Variants in CNBD2 observed in about 807,000 individuals in gnomAD.
CNBD2 encodes cyclic nucleotide-binding domain-containing protein 2.
In CNBD2, 64 loss-of-function variants were observed where a neutral mutation model predicts 63.7. The ratio of observed to expected loss-of-function variants is 1.00; its 90% CI spans 0.82 to 1.24. CNBD2 has a LOEUF of 1.24. Among genes scored for constraint, CNBD2 ranks in the 50% most tolerant of loss-of-function variants. The probability of loss-of-function intolerance (pLI) is 0.00; values close to 1 mark genes in which losing one functional copy is unlikely to be tolerated. For synonymous variants in CNBD2, 229 were observed against 255.4 expected, an observed-to-expected ratio of 0.90 and a Z score of 0.99; for missense variants, 691 against 713.5, an observed-to-expected ratio of 0.97 and a Z score of 0.36.
At chr20:35,958,198 C>T (rs964603679), downstream of CNBD2, among the ~76,000 whole-genome samples, 2 of 151,978 alleles carry the variant, frequency 1.3e-5, no homozygotes, top group African/African-American at 2.4e-5. Flanking sequence ...TTTGGGAGGC[C>T]GAGGCAGGCG....
chr20:35,989,616 T>C (rs1262780857), intron 7 of CNBD2, among the ~76,000 whole-genome samples: 4 of 152,206 alleles, frequency 2.6e-5, no homozygotes, highest in Admixed American at 2.6e-4. Flanking sequence ...GGCTTGTACC[T>C]GCCTATGAGA....
At chr20:35,996,502 C>CTTT (rs1349894287) in intron 8 of CNBD2, among the ~76,000 whole-genome samples, 6 of 146,506 alleles carry the variant, frequency 4.1e-5, no homozygotes, top group Non-Finnish European at 7.5e-5. Flanking sequence ...TAATAGCTCT[C>CTTT]TTTTTGTTTT....
downstream of CNBD2, among the ~76,000 whole-genome samples, chr20:35,958,154 C>T (rs1432970469): frequency 6.6e-6 from 1 of 152,158 alleles, no homozygotes. Flanking sequence ...TTTCATTGGC[C>T]AAGCATGGTG....
upstream of CNBD2, among the ~76,000 whole-genome samples, chr20:35,968,035 G>A (rs139852825): frequency 6.6e-6 from 1 of 152,106 alleles, no homozygotes; most frequent in Non-Finnish European, 1.5e-5. Flanking sequence ...CAATGAATCC[G>A]GAGTCGATAC....
At chr20:35,982,832 C>T (rs1037654676) in intron 4 of CNBD2, among the ~76,000 whole-genome samples, 1 of 151,972 alleles carries the variant, frequency 6.6e-6, no homozygotes. Context: ...CCCACCTCAG[C>T]CTTACAGGCA....
At chr20:35,954,523 ACCCGGAAGCCGCTTGCGGGCT>A, upstream of CNBD2, 1 of 1,525,006 alleles carries the variant, frequency 6.6e-7, no homozygotes, top group South Asian at 1.2e-5. Flanking sequence ...GCGCGCGAGC[ACCCGGAAGCCGCTTGCGGGCT>A]CCCGGAAGCG....
chr20:36,006,202 G>C (rs1258064766), intron 8 of CNBD2, among the ~76,000 whole-genome samples: 3 of 151,406 alleles, frequency 2.0e-5, no homozygotes, highest in Non-Finnish European at 4.4e-5. Context: ...CTAATTTTTT[G>C]TATCTTTAGT....
intron 8 of CNBD2, among the ~76,000 whole-genome samples, chr20:36,000,685 A>AG (rs2056884453): frequency 6.7e-6 from 1 of 150,028 alleles, no homozygotes; most frequent in Admixed American, 6.6e-5. Flanking sequence ...CAGCCTCACG[A>AG]GTAGCTGGGA....
Position 36,011,199 on chromosome 20 carries a change from A to G in CNBD2, c.1211A>G (p.Lys404Arg), listed in dbSNP as rs1283355456. Residue 404 changes from lysine (K) to arginine (R), a missense_variant, in exon 10 of 12, where the codon AAG becomes AGG. Transcript: ENST00000373973. ...AATATCAAGCCTGGTGAGCTCCCCA[A>G]GGAGGCTGCAGTGGGGGCCTACGTG... ...MINIKPGELP[K>R]EAAVGAYVKV... is the part of the protein sequence containing the mutation. 5 of 1,597,758 alleles carry G rather than the reference A, an allele frequency of 3.1e-6. No homozygotes were observed. The South Asian group carries it at 3.4e-5, about 11-fold the overall frequency.
intron 8 of CNBD2, among the ~76,000 whole-genome samples, chr20:36,006,621 T>C (rs2056988494): frequency 6.6e-6 from 1 of 152,184 alleles, no homozygotes; most frequent in African/African-American, 2.4e-5. Context: ...TTTGCCATGT[T>C]GCCCAGACTG....
exon 1 of CNBD2, chr20:35,955,341 G>C (rs929851741): frequency 2.0e-5 from 3 of 152,102 alleles, no homozygotes; most frequent in Non-Finnish European, 4.4e-5. Context: ...TGCATATATT[G>C]GGTCAAATAA....
intron 11 of CNBD2, among the ~76,000 whole-genome samples, chr20:36,027,277 G>A (rs995864221): frequency 6.6e-6 from 1 of 152,190 alleles, no homozygotes; most frequent in African/African-American, 2.4e-5. Context: ...CAATGGTAGA[G>A]AAAGGGGGTA....
intron 7 of CNBD2, among the ~76,000 whole-genome samples, chr20:35,994,517 G>A (rs1049684771): frequency 2.7e-5 from 4 of 147,374 alleles, no homozygotes; most frequent in African/African-American, 7.5e-5. Flanking sequence ...CTTATATTTA[G>A]TTCTTATGCT....
intron 11 of CNBD2, among the ~76,000 whole-genome samples, chr20:36,024,666 T>C (rs1370625815): frequency 6.8e-6 from 1 of 147,570 alleles, no homozygotes. Flanking sequence ...TGGTGGCTCA[T>C]GCCTGTAATC....
intron 11 of CNBD2, among the ~76,000 whole-genome samples, chr20:36,024,844 A>G (rs976911211): frequency 2.3e-4 from 35 of 152,262 alleles, no homozygotes; most frequent in African/African-American, 8.4e-4. Context: ...CTGAGGCAGG[A>G]GAGTCACTTG....
At chr20:35,988,815 C>T (rs755384010) in intron 7 of CNBD2, among the ~76,000 whole-genome samples, 6 of 152,036 alleles carry the variant, frequency 3.9e-5, no homozygotes, top group Non-Finnish European at 5.9e-5. Flanking sequence ...GCTCTGCCAG[C>T]CTTGCATGTC....
intron 1 of CNBD2, among the ~76,000 whole-genome samples, chr20:35,971,112 TA>T (rs1317261582): frequency 3.0e-4 from 45 of 151,486 alleles, no homozygotes; most frequent in African/African-American, 1.0e-3. Context: ...TACGCCCGGC[TA>T]ATTTTTTGTA....
Position 35,980,322 on chromosome 20 carries a change from C to T in CNBD2, c.244-137C>T. 4 of 717,198 alleles carry T rather than the reference C, an allele frequency of 5.6e-6. No homozygotes were observed. In the East Asian group the frequency reaches 7.6e-5, roughly 14 times the overall value. The allele number at this position is 717,198 out of a possible 1,614,324, so 44.4% of individuals were successfully genotyped here. ...AAAATGTTTATCCCAGTGCCTGACA[C>T]ACAGTAAGCACTCATCACGTCAGCC... On this transcript the variant is annotated intron_variant, in intron 3 of 11. Transcript: ENST00000373973.
In CNBD2 at chr20:36,023,661, G is replaced by A. The variant is rs751949780; in HGVS notation, c.1329G>A (p.Met443Ile). Residue 443 changes from methionine (M) to isoleucine (I), a missense_variant, in exon 11 of 12, where the codon ATG becomes ATA. Physicochemically the swap from Met to Ile is conservative, Grantham distance 10. Transcript: ENST00000373973. The stretch of plus-strand genomic sequence containing the variant: ...GCGACACACGACCCTTGATCCTGAT[G>A]AGCCTGGGAAATGAGTTGATACGGA... Reference protein sequence around the residue: ...GECDTRPLILMSLGNELIRIR... With the variant: ...GECDTRPLILISLGNELIRIR... 4 of 1,613,994 alleles carry A rather than the reference G, an allele frequency of 2.5e-6. No homozygotes were observed. Among genetic ancestry groups the A allele is most frequent in the Non-Finnish European group, 1.7e-6 (2 of 1,179,942 alleles).
Sources: allele counts gnomAD v4.1 joint callset (sites outside exome capture counted in the v4.1 genomes callset), GRCh38; gene constraint gnomAD v4.1.1; transcripts MANE v1.5; gene names NCBI Gene and HGNC (gene_info 2026-07-23, HGNC 2026-07-21).